The following DCDC2 variants were observed in gnomAD, a reference collection of about 807,000 sequenced individuals.
The protein encoded by DCDC2 is doublecortin domain-containing protein 2.
A neutral mutation model predicts 50.2 loss-of-function variants in DCDC2; 40 were observed. The ratio of observed to expected loss-of-function variants is 0.80; its 90% confidence interval spans 0.62 to 1.04. DCDC2 has a LOEUF of 1.04. Among genes scored for constraint, DCDC2 ranks in the 50% least tolerant of loss-of-function variants. The pLI, the probability that DCDC2 is intolerant of heterozygous loss-of-function variation, is 0.00. For synonymous variants in DCDC2, 234 were observed against 210.6 expected (o/e 1.11, Z -0.96); for missense variants, 570 against 581.9 (o/e 0.98, Z 0.21).
rs905003012 is a variant in DCDC2 at position 24,178,637 on chromosome 6, T to C, written c.1024-5A>G. The C allele has an allele frequency of 1.9e-6, 3 of 1,610,044 alleles. No homozygotes were observed. Among genetic ancestry groups the C allele is most frequent in the South Asian group, 1.1e-5 (1 of 90,666 alleles). On this transcript the variant is annotated splice_region_variant and splice_polypyrimidine_tract_variant and intron_variant, in intron 8 of 9. Transcript: ENST00000378454. Reference sequence around the variant, plus strand: ...GTCTACTATTTCTGCTGGCCTCTGATGGATCAAAAGGAATAATGGATAAAA... The same window carrying C: ...GTCTACTATTTCTGCTGGCCTCTGACGGATCAAAAGGAATAATGGATAAAA...
At chr6:24,340,778 T>C (rs1378286660) in intron 2 of DCDC2, among the ~76,000 whole-genome samples, 1 of 152,138 alleles carries the variant, frequency 6.6e-6, no homozygotes, top group Non-Finnish European at 1.5e-5. Flanking sequence ...CAGACTGGAG[T>C]GCAGTGGCAG....
chr6:24,368,571 G>A, the DCDC2 span, among the ~76,000 whole-genome samples: 2 of 152,202 alleles, frequency 1.3e-5, no homozygotes, highest in South Asian at 2.1e-4. Context: ...GAAAATAGTT[G>A]TCAATATGGA....
intron 7 of DCDC2, among the ~76,000 whole-genome samples, chr6:24,219,254 A>G (rs890392172): frequency 3.9e-5 from 6 of 152,232 alleles, no homozygotes; most frequent in Non-Finnish European, 7.3e-5. Context: ...ACAGCAAGAT[A>G]TAAGTTAATA....
intron 5 of DCDC2, 113 bp downstream of exon 5, chr6:24,290,819 T>C: frequency 1.1e-6 from 1 of 946,630 alleles, no homozygotes; most frequent in East Asian, 2.7e-5. Flanking sequence ...CTTTCCATTC[T>C]AAGTAATAAA....
intron 7 of DCDC2, among the ~76,000 whole-genome samples, chr6:24,251,340 C>T (rs1254357110): frequency 6.6e-6 from 1 of 152,134 alleles, no homozygotes; most frequent in Non-Finnish European, 1.5e-5. Context: ...GCTTGCTGTG[C>T]TTTTCCTTAT....
At chr6:24,350,681 C>T (rs1267954316) in intron 2 of DCDC2, among the ~76,000 whole-genome samples, 1 of 152,120 alleles carries the variant, frequency 6.6e-6, no homozygotes, top group Non-Finnish European at 1.5e-5. Flanking sequence ...CTTGAAACAA[C>T]TCTTAACCCT....
chr6:24,237,918 AGAG>A (rs1762481974), intron 7 of DCDC2, among the ~76,000 whole-genome samples: 1 of 151,474 alleles, frequency 6.6e-6, no homozygotes, highest in Middle Eastern at 3.2e-3. Flanking sequence ...GAGCACTGTA[AGAG>A]AAGAGAAGGA....
intron 8 of DCDC2, among the ~76,000 whole-genome samples, chr6:24,196,505 C>T (rs1161204634): frequency 1.3e-5 from 2 of 152,188 alleles, no homozygotes; most frequent in Non-Finnish European, 2.9e-5. Flanking sequence ...ACTGCAACCT[C>T]CGCCTCCCAG....
intron 2 of DCDC2, chr6:24,353,174 G>A: frequency 2.5e-6 from 1 of 395,336 alleles, no homozygotes; most frequent in South Asian, 2.0e-5. Flanking sequence ...GGGGCAGTTA[G>A]GGTGACCCTG....
At chr6:24,197,387 C>T (rs899751870) in intron 8 of DCDC2, among the ~76,000 whole-genome samples, 2 of 152,166 alleles carry the variant, frequency 1.3e-5, no homozygotes, top group Non-Finnish European at 2.9e-5. Flanking sequence ...CTATGATTTT[C>T]TCTTAATATT....
At chr6:24,352,405 A>C (rs111379654) in intron 2 of DCDC2, among the ~76,000 whole-genome samples, 4 of 152,324 alleles carry the variant, frequency 2.6e-5, no homozygotes, top group African/African-American at 9.6e-5. Context: ...ACTGGTGGTC[A>C]TTCTTTAGCT....
chr6:24,342,921 T>G (rs1202208786), intron 2 of DCDC2, among the ~76,000 whole-genome samples: 1 of 152,206 alleles, frequency 6.6e-6, no homozygotes, highest in Non-Finnish European at 1.5e-5. Context: ...TCTTTTCATG[T>G]ATCTTACCTT....
At chr6:24,364,367 G>A in the DCDC2 span, among the ~76,000 whole-genome samples, 1 of 152,228 alleles carries the variant, frequency 6.6e-6, no homozygotes, top group East Asian at 1.9e-4. Flanking sequence ...TGACCTCATA[G>A]GCTCAGGTGA....
chr6:24,339,523 T>C (rs1760117188), intron 2 of DCDC2, among the ~76,000 whole-genome samples: 1 of 152,200 alleles, frequency 6.6e-6, no homozygotes, highest in South Asian at 2.1e-4. Context: ...AATTTGTGAC[T>C]AGTGTCATTC....
intron 1 of DCDC2, among the ~76,000 whole-genome samples, 198 bp from the exon 2 acceptor site, chr6:24,353,821 T>C (rs1760417293): frequency 6.6e-6 from 1 of 152,228 alleles, no homozygotes. Flanking sequence ...GACATATGTC[T>C]ACCCTAAACT....
chr6:24,295,284 A>T (rs1391403179), intron 4 of DCDC2, among the ~76,000 whole-genome samples: 1 of 152,216 alleles, frequency 6.6e-6, no homozygotes, highest in African/African-American at 2.4e-5. Context: ...CCTTCAAGTT[A>T]AAAACTCTCA....
chr6:24,248,836 G>A (rs1256617017), intron 7 of DCDC2, among the ~76,000 whole-genome samples: 3 of 152,086 alleles, frequency 2.0e-5, no homozygotes, highest in African/African-American at 7.2e-5. Flanking sequence ...GAGCTCAATA[G>A]GGAATCACTA....
At chr6:24,187,564 C>G (rs918949648) in intron 8 of DCDC2, among the ~76,000 whole-genome samples, 1 of 152,086 alleles carries the variant, frequency 6.6e-6, no homozygotes, top group Non-Finnish European at 1.5e-5. Context: ...GAGTAGATAC[C>G]CCCAAAATAT....
chr6:24,359,757 G>A (rs1208051168), upstream of DCDC2, among the ~76,000 whole-genome samples: 1 of 148,772 alleles, frequency 6.7e-6, no homozygotes, highest in African/African-American at 2.5e-5. Flanking sequence ...GGAAGGAAGG[G>A]AAAAATAACA....
Sources: gnomAD v4.1 joint callset for allele counts (sites outside exome capture counted in the v4.1 genomes callset) on GRCh38, gnomAD v4.1.1 for gene constraint, MANE v1.5 for transcripts, NCBI Gene and HGNC (gene_info 2026-07-23, HGNC 2026-07-21) for gene names.